Variants in DCAF6 observed in about 807,000 individuals in gnomAD.
DCAF6 encodes DDB1- and CUL4-associated factor 6.
In DCAF6, 54 loss-of-function variants were observed where a neutral mutation model predicts 125.1. That is an observed-to-expected ratio of 0.43 (90% confidence interval 0.35 to 0.54). The LOEUF (loss-of-function observed/expected upper bound fraction) is 0.54, where lower values mean the gene tolerates loss of function less well. Among genes scored for constraint, DCAF6 ranks in the 20% least tolerant of loss-of-function variants. DCAF6 has a pLI of 0.01. For synonymous variants in DCAF6, 371 were observed against 390.4 expected (o/e 0.95, Z 0.58); for missense variants, 934 against 1,161.7 (o/e 0.80, Z 2.85).
At chr1:167,931,333 T>C (rs1415318869), upstream of DCAF6, among the ~76,000 whole-genome samples, 1 of 152,232 alleles carries the variant, frequency 6.6e-6, no homozygotes, top group Admixed American at 6.5e-5. Context: ...CAGTGTCTAA[T>C]ATACAATAGG....
chr1:167,985,335 T>C (rs1031495385), intron 4 of DCAF6, among the ~76,000 whole-genome samples: 1 of 152,172 alleles, frequency 6.6e-6, no homozygotes, highest in African/African-American at 2.4e-5. Context: ...AAAATCGAAG[T>C]GTTGGCAAGT....
At position 168,051,457 on chromosome 1, in the gene DCAF6, A is replaced by C. The variant is rs567489011; in HGVS notation, c.2300+524A>C. Among the ~76,000 whole-genome samples the C allele has an allele frequency of 4.1e-4, 62 of 152,344 alleles. 1 individual carries two copies. The South Asian group carries it at 5.0e-3, about 12-fold the overall frequency. On this transcript the variant is annotated intron_variant, in intron 17 of 21. Coordinates refer to ENST00000367840, the MANE Select transcript of DCAF6 (RefSeq NM_001198956.2). The stretch of plus-strand genomic sequence containing the variant: ...TCAAGATGATATATAAGCCTCAAGC[A>C]CTTCTCTATTTGGGACATATTTTTG...
intron 2 of DCAF6, 106 bp downstream of exon 2, chr1:167,951,967 T>G (rs1426823954): frequency 1.5e-6 from 1 of 645,734 alleles, no homozygotes; most frequent in East Asian, 2.8e-5. Context: ...TATAATAAAA[T>G]GGGAGAATAA....
chr1:167,894,691 G>C, the DCAF6 span, among the ~76,000 whole-genome samples: 48 of 152,198 alleles, frequency 3.2e-4, no homozygotes, highest in South Asian at 9.3e-3. Context: ...ATAACTGTAA[G>C]TGTAGCACTT....
the DCAF6 span, among the ~76,000 whole-genome samples, chr1:167,925,478 T>TATATATAC: frequency 5.2e-3 from 633 of 122,330 alleles, 1 homozygote; most frequent in Non-Finnish European, 7.3e-3. Flanking sequence ...TATATATACA[T>TATATATAC]ATACATATAC....
chr1:167,887,241 G>T, the DCAF6 span, among the ~76,000 whole-genome samples: 2 of 152,152 alleles, frequency 1.3e-5, no homozygotes, highest in Admixed American at 1.3e-4. Context: ...AAAGACACAT[G>T]CACATGTATG....
the DCAF6 span, among the ~76,000 whole-genome samples, chr1:167,887,645 C>T: frequency 7.9e-5 from 12 of 151,474 alleles, no homozygotes; most frequent in Admixed American, 2.0e-4. Flanking sequence ...GTATACATAA[C>T]GTAACAAACC....
At chr1:168,028,290 A>G (rs746772620) in intron 12 of DCAF6, among the ~76,000 whole-genome samples, 3 of 152,176 alleles carry the variant, frequency 2.0e-5, no homozygotes, top group Non-Finnish European at 4.4e-5. Context: ...TTTATTTTAA[A>G]AAATAACAAC....
At chr1:167,878,345 T>A in the DCAF6 span, 1 of 1,382,514 alleles carries the variant, frequency 7.2e-7, no homozygotes, top group Non-Finnish European at 1.0e-6. Flanking sequence ...GATTTCAACT[T>A]TTTGAACTGG....
chr1:168,006,587 T>C (rs1162941747), intron 10 of DCAF6, among the ~76,000 whole-genome samples: 1 of 152,208 alleles, frequency 6.6e-6, no homozygotes. Flanking sequence ...TTTCTGTTTT[T>C]GTTTTTTGTC....
chr1:167,894,542 T>C, the DCAF6 span, among the ~76,000 whole-genome samples: 2 of 152,196 alleles, frequency 1.3e-5, no homozygotes, highest in South Asian at 2.1e-4. Flanking sequence ...GGAATGAGTT[T>C]GAGGGAGTCA....
chr1:167,923,088 T>A, the DCAF6 span, among the ~76,000 whole-genome samples: 1 of 152,182 alleles, frequency 6.6e-6, no homozygotes, highest in Admixed American at 6.5e-5. Flanking sequence ...GTGGAGAAAT[T>A]AGAACACTTA....
At chr1:167,990,525 A>G (rs1680679962) in intron 5 of DCAF6, among the ~76,000 whole-genome samples, 1 of 152,318 alleles carries the variant, frequency 6.6e-6, no homozygotes, top group Admixed American at 6.5e-5. Context: ...TTATATAGGT[A>G]ATTTTGAATT....
Position 168,066,441 on chromosome 1 carries a change from T to A in DCAF6, c.2661T>A (p.Ile887=), listed in dbSNP as rs1302707228. 6.2e-7 allele frequency: 1 copy of A among 1,609,418 alleles called. No homozygotes were observed. The highest frequency in any genetic ancestry group is 1.1e-5 in the South Asian group (1 of 90,526). The change falls in exon 20 of 22, where the codon ATT becomes ATA. Residue 887 remains isoleucine (I), a synonymous_variant. Coordinates refer to ENST00000367840, the MANE Select transcript of DCAF6 (RefSeq NM_001198956.2). The stretch of plus-strand genomic sequence containing the variant: ...GGTCACCATTAGAAGAGTCAAGGAT[T>A]TTTAACCGAAAACTTGCTGATGAAG... ...KIWSPLEESR[I]FNRKLADEVI... is the part of the protein sequence containing the mutation.
At chr1:168,068,593 T>A (rs1344167777) in intron 21 of DCAF6, 130 bp downstream of exon 21, 1 of 419,782 alleles carries the variant, frequency 2.4e-6, no homozygotes, top group African/African-American at 2.1e-5. Flanking sequence ...ACTTCTAAAC[T>A]AGGATTTCTG....
At chr1:167,920,603 A>G in the DCAF6 span, 9 of 1,614,006 alleles carry the variant, frequency 5.6e-6, no homozygotes, top group African/African-American at 5.3e-5. Context: ...AGGTCTGGCC[A>G]TATCAGCCAA....
the DCAF6 span, among the ~76,000 whole-genome samples, chr1:167,909,620 G>C: frequency 6.6e-6 from 1 of 152,066 alleles, no homozygotes; most frequent in Admixed American, 6.6e-5. Context: ...GGCCCAAGAT[G>C]ATTCTTCCTC....
At chr1:168,062,563 G>T (rs1266420974) in intron 17 of DCAF6, among the ~76,000 whole-genome samples, 1 of 151,842 alleles carries the variant, frequency 6.6e-6, no homozygotes, top group Non-Finnish European at 1.5e-5. Context: ...CCTATTATTA[G>T]TGAGACTGAG....
the DCAF6 span, among the ~76,000 whole-genome samples, chr1:167,871,674 G>A: frequency 6.6e-6 from 1 of 152,292 alleles, no homozygotes; most frequent in African/African-American, 2.4e-5. Flanking sequence ...AAATATCCAG[G>A]TATTATCTAA....
Sources: allele counts gnomAD v4.1 joint callset (sites outside exome capture counted in the v4.1 genomes callset), GRCh38; gene constraint gnomAD v4.1.1; transcripts MANE v1.5; gene names NCBI Gene and HGNC (gene_info 2026-07-23, HGNC 2026-07-21).